The following ANO6 variants were observed in gnomAD, a reference collection of about 807,000 sequenced individuals.
ANO6 encodes anoctamin 6, also known as anoctamin-6.
ANO6 carries 106 observed loss-of-function variants against 117.5 expected under a neutral mutation model. That is an observed-to-expected ratio of 0.90 (90% CI 0.77 to 1.06). The LOEUF (loss-of-function observed/expected upper bound fraction) is 1.06, where lower values mean the gene tolerates loss of function less well. Among genes scored for constraint, ANO6 ranks in the 50% least tolerant of loss-of-function variants. The probability of loss-of-function intolerance (pLI) is 0.00; values close to 1 mark genes in which losing one functional copy is unlikely to be tolerated. For synonymous variants in ANO6, 367 were observed against 385.1 expected (o/e 0.95, Z 0.55); for missense variants, 955 against 1,121.1 (o/e 0.85, Z 2.12).
chr12:45,308,455 G>A (rs1939748197), intron 2 of ANO6, among the ~76,000 whole-genome samples: 1 of 151,980 alleles, frequency 6.6e-6, no homozygotes, highest in Non-Finnish European at 1.5e-5. Flanking sequence ...ATTGAAGAGG[G>A]AAATGGGATC....
intron 1 of ANO6, among the ~76,000 whole-genome samples, chr12:45,295,277 A>G (rs527578965): frequency 6.6e-6 from 1 of 152,350 alleles, no homozygotes; most frequent in South Asian, 2.1e-4. Flanking sequence ...CTGCAAGCCT[A>G]CAACCTCTTG....
chr12:45,409,340 A>G lies in ANO6; in HGVS notation c.1881-17A>G. ...TGATAATATTCGTTCTAATTTATAAATTGTTCTTTTTGGCAGCTGGATCAT... is the reference window on the plus strand; with the variant it reads ...TGATAATATTCGTTCTAATTTATAAGTTGTTCTTTTTGGCAGCTGGATCAT... On this transcript the variant is annotated splice_polypyrimidine_tract_variant and intron_variant, in intron 15 of 19. Transcript: ENST00000320560. 1 of 1,613,646 alleles carries G rather than the reference A, an allele frequency of 6.2e-7. No homozygotes were observed. Among genetic ancestry groups the G allele is most frequent in the South Asian group, 1.1e-5 (1 of 91,064 alleles).
chr12:45,268,525 TTAAA>T (rs755895445), intron 1 of ANO6, among the ~76,000 whole-genome samples: 2 of 151,754 alleles, frequency 1.3e-5, no homozygotes. Context: ...GTCTCAAAAA[TTAAA>T]TAAATAAATA....
intron 16 of ANO6, among the ~76,000 whole-genome samples, chr12:45,414,200 G>A (rs1214272719): frequency 6.6e-6 from 1 of 151,826 alleles, no homozygotes; most frequent in Non-Finnish European, 1.5e-5. Context: ...ACATGTAGAA[G>A]CAAGCAGAGA....
chr12:45,290,316 C>G (rs73281433), intron 1 of ANO6, among the ~76,000 whole-genome samples: 2,387 of 151,430 alleles, frequency 0.016, 54 homozygotes, highest in African/African-American at 0.054. Flanking sequence ...GCAGCAAAAA[C>G]TGGTTTTGAA....
intron 1 of ANO6, among the ~76,000 whole-genome samples, chr12:45,254,345 TA>T (rs1247921601): frequency 1.3e-5 from 2 of 152,114 alleles, no homozygotes; most frequent in Non-Finnish European, 1.5e-5. Flanking sequence ...GGCCAAGGAA[TA>T]GGGGGAGAGG....
At chr12:45,404,460 T>TC (rs1249567458) in intron 15 of ANO6, among the ~76,000 whole-genome samples, 1 of 152,140 alleles carries the variant, frequency 6.6e-6, no homozygotes, top group Non-Finnish European at 1.5e-5. Context: ...TATTTTATGG[T>TC]CCCGGGGGTC....
chr12:45,375,144 C>G (rs1331001031), intron 9 of ANO6, among the ~76,000 whole-genome samples: 1 of 152,156 alleles, frequency 6.6e-6, no homozygotes, highest in Non-Finnish European at 1.5e-5. Context: ...ATCCAACTTA[C>G]AAGAGATGTG....
intron 9 of ANO6, among the ~76,000 whole-genome samples, chr12:45,375,627 G>A (rs1395984391): frequency 4.6e-5 from 7 of 152,102 alleles, no homozygotes; most frequent in Non-Finnish European, 7.4e-5. Flanking sequence ...TTTAATAAAT[G>A]GTGCTGGGAA....
At chr12:45,355,557 A>C (rs1457370329) in intron 7 of ANO6, among the ~76,000 whole-genome samples, 3 of 152,148 alleles carry the variant, frequency 2.0e-5, no homozygotes, top group Non-Finnish European at 4.4e-5. Context: ...CATAACCAAA[A>C]AGAGGCCAAG....
At chr12:45,308,090 A>T (rs184869942) in intron 2 of ANO6, among the ~76,000 whole-genome samples, 34 of 134,216 alleles carry the variant, frequency 2.5e-4, no homozygotes, top group East Asian at 2.0e-3. Flanking sequence ...AAGAACACAG[A>T]GAAAAGGGGT....
intron 5 of ANO6, 71 bp downstream of exon 5, chr12:45,348,386 T>TGG: frequency 6.2e-7 from 1 of 1,604,170 alleles, no homozygotes; most frequent in South Asian, 1.1e-5. Flanking sequence ...TTTGGTTGGT[T>TGG]TGGTTTTATT....
rs1415572178 is a variant in ANO6 at position 45,430,871 on chromosome 12, G to T, written c.*1560G>T. 9 of 985,314 alleles carry T rather than the reference G, an allele frequency of 9.1e-6. No homozygotes were observed. The highest frequency in any genetic ancestry group is 1.1e-5 in the Non-Finnish European group (9 of 829,954). The allele number at this position is 985,314 out of a possible 1,614,324, so 61.0% of individuals were successfully genotyped here. A position where few individuals can be genotyped will look rare whatever the true frequency, so the allele number is the denominator to read the frequency against. On this transcript the variant is annotated 3_prime_UTR_variant, in exon 20 of 20. Transcript: ENST00000320560. ...AGGTCATTGCTGGGTGCACAAGAGG[G>T]AGGTGATTTGCATCATGGTCATGCT...
At chr12:45,259,327 A>G (rs769400611) in intron 1 of ANO6, among the ~76,000 whole-genome samples, 1 of 152,142 alleles carries the variant, frequency 6.6e-6, no homozygotes, top group Admixed American at 6.5e-5. Context: ...TGTATGTAAT[A>G]TTTTGCATTT....
At chr12:45,289,840 T>G (rs1401682297) in intron 1 of ANO6, among the ~76,000 whole-genome samples, 1 of 152,236 alleles carries the variant, frequency 6.6e-6, no homozygotes, top group African/African-American at 2.4e-5. Flanking sequence ...GACAAGCAGC[T>G]GTACTGAGGT....
rs370407121 is a variant in ANO6, at chr12:45,237,882, C to T, written c.70+21491C>T. On this transcript the variant is annotated intron_variant, in intron 1 of 19. Transcript: ENST00000320560. ...CATGGAATGTTCTTCCATTTGTTTG[C>T]GTCCTCTTTTATTTCATTGAGCAGT... 2.0e-4 allele frequency among the ~76,000 whole-genome samples: 31 copies of T among 152,188 alleles called. No homozygotes were observed. The Middle Eastern group carries it at 0.01, about 50-fold the overall frequency.
At chr12:45,235,772 A>G (rs1486293138) in intron 1 of ANO6, among the ~76,000 whole-genome samples, 1 of 152,056 alleles carries the variant, frequency 6.6e-6, no homozygotes, top group Non-Finnish European at 1.5e-5. Context: ...GTTGAGAACT[A>G]CTCCTGGCTT....
intron 2 of ANO6, among the ~76,000 whole-genome samples, chr12:45,323,699 A>C (rs1940359431): frequency 6.6e-6 from 1 of 152,190 alleles, no homozygotes; most frequent in Admixed American, 6.5e-5. Context: ...ACACAAAGGC[A>C]CATGGCTAGT....
intron 1 of ANO6, among the ~76,000 whole-genome samples, chr12:45,254,737 T>G (rs1413004239): frequency 6.6e-6 from 1 of 152,210 alleles, no homozygotes; most frequent in African/African-American, 2.4e-5. Flanking sequence ...TCTGAAAATT[T>G]CCCAGAATTA....
Sources: allele counts gnomAD v4.1 joint callset (sites outside exome capture counted in the v4.1 genomes callset), GRCh38; gene constraint gnomAD v4.1.1; transcripts MANE v1.5; gene names NCBI Gene and HGNC (gene_info 2026-07-23, HGNC 2026-07-21).